ZNF512B: variants seen among roughly 807,000 people sequenced by gnomAD.
ZNF512B encodes the protein zinc finger protein 512B.
In ZNF512B, 22 loss-of-function variants were observed where a neutral mutation model predicts 87.8. That is an observed-to-expected ratio of 0.25 (90% CI 0.18 to 0.36). The LOEUF (loss-of-function observed/expected upper bound fraction) is 0.36. ZNF512B is among the 10% of genes least tolerant of loss of function. The pLI is 1.00. For missense variants in ZNF512B, 1,060 were observed against 1,231.6 expected (o/e 0.86, Z 2.09); for synonymous variants, 524 against 490.9 (o/e 1.07, Z -0.89).
At position 63,967,709 on chromosome 20, in the gene ZNF512B, C is replaced by G. The variant is rs188637689; in HGVS notation, c.121+121G>C. On this transcript the variant is annotated intron_variant, in intron 2 of 16. Coordinates refer to ENST00000369888, the MANE Select transcript of ZNF512B (RefSeq NM_020713.3). ...AAGGCAACCCCTACCCTGGTAAGGTCCTTGGGAACTCTAGGGGCCTAGCTG... is the reference window on the plus strand; with the variant it reads ...AAGGCAACCCCTACCCTGGTAAGGTGCTTGGGAACTCTAGGGGCCTAGCTG... 475 of 1,509,772 alleles carry G rather than the reference C, an allele frequency of 3.1e-4. 2 individuals are homozygous for G. The African/African-American group carries it at 6.0e-3, about 19-fold the overall frequency. 93.5% of individuals were successfully genotyped at this position (1,509,772 alleles called of 1,614,324 possible).
At chr20:63,968,304 G>A (rs1342455843) in intron 1 of ZNF512B, among the ~76,000 whole-genome samples, 1 of 152,218 alleles carries the variant, frequency 6.6e-6, no homozygotes, top group Admixed American at 6.5e-5. Flanking sequence ...GATGCCGAAG[G>A]TGATGCACTC....
chr20:63,961,497 C>T lies in ZNF512B; in HGVS notation c.2329-90G>A, dbSNP rs897115883. On this transcript the variant is annotated intron_variant, in intron 15 of 16. Coordinates refer to ENST00000369888, the MANE Select transcript of ZNF512B (RefSeq NM_020713.3). The surrounding 1 kb of genome is among the most constrained non-coding windows in gnomAD (Gnocchi z 6.4). Reference sequence around the variant, plus strand: ...CTCATGGCTAAAGGGTCAGAGTCAGCGGTGGCCCAAGGAAAGCTGTGGCTG... The same window carrying T: ...CTCATGGCTAAAGGGTCAGAGTCAGTGGTGGCCCAAGGAAAGCTGTGGCTG... 11 of 1,269,628 alleles carry T rather than the reference C, an allele frequency of 8.7e-6. No individual in the cohort carries two copies. The highest frequency in any genetic ancestry group is 2.3e-5 in the East Asian group (1 of 42,662). 78.6% of individuals were successfully genotyped at this position (1,269,628 alleles called of 1,614,324 possible).
In ZNF512B at chr20:63,962,256, C is replaced by T; in HGVS notation, c.2265+17G>A. On this transcript the variant is annotated intron_variant, in intron 14 of 16. Transcript: ENST00000369888. ...TGTATGGCTCCCCACGCCCCCCACCCGGCTGCCTCCGCTCACGTCGTTGGG... is the reference window on the plus strand; with the variant it reads ...TGTATGGCTCCCCACGCCCCCCACCTGGCTGCCTCCGCTCACGTCGTTGGG... 8 of 1,598,900 alleles carry T rather than the reference C, an allele frequency of 5.0e-6. No homozygotes were observed. Among genetic ancestry groups the T allele is most frequent in the Non-Finnish European group, 6.8e-6 (8 of 1,175,424 alleles).
chr20:63,969,271 T>A, intron 1 of ZNF512B: 1 of 803,544 alleles, frequency 1.2e-6, no homozygotes, highest in Non-Finnish European at 1.5e-6. Context: ...TAGTGGGGCC[T>A]GAGGCCAGGG....
rs767816608 is a variant in ZNF512B at position 63,964,237 on chromosome 20, G to A, written c.1334-20C>T. On this transcript the variant is annotated intron_variant, in intron 7 of 16. Coordinates refer to ENST00000369888, the MANE Select transcript of ZNF512B (RefSeq NM_020713.3). ...CCAGGCCTGTGTGCACACATGGGGT[G>A]GAGAGAAACAGGGATGGGCTCAGGG... is the stretch of plus-strand genomic sequence containing the variant. 1.9e-6 allele frequency: 3 copies of A among 1,608,322 alleles called. No homozygotes were observed. Among genetic ancestry groups the A allele is most frequent in the Middle Eastern group, 1.7e-4 (1 of 6,028 alleles).
rs1055586960 is a variant in ZNF512B, at chr20:63,963,887, C to A, written c.1507G>T (p.Ala503Ser). Residue 503 changes from alanine to serine, a missense_variant, in exon 9 of 17, where the codon GCC becomes TCC. Physicochemically the swap from Ala to Ser is moderately conservative, Grantham distance 99. Around this residue, in one of 9 missense-constraint regions of ZNF512B, gnomAD observed 212 missense variants for 207.6 expected, o/e 1.02. Coordinates refer to ENST00000369888, the MANE Select transcript of ZNF512B (RefSeq NM_020713.3). ...PGGPEEQWQR[A>S]IHERGEAVCP... is the part of the protein sequence containing the mutation. ...ACGGCTTCCCCGCGCTCATGGATGG[C>A]CCTCTGCCACTGCTCTTCAGGGCCA... 1.9e-6 allele frequency: 3 copies of A among 1,611,624 alleles called. No individual in the cohort carries two copies. The highest frequency in any genetic ancestry group is 2.5e-6 in the Non-Finnish European group (3 of 1,180,018).
intron 7 of ZNF512B, 41 bp downstream of exon 7, chr20:63,964,279 C>G (rs779544364): frequency 4.3e-6 from 7 of 1,612,742 alleles, no homozygotes; most frequent in Non-Finnish European, 5.9e-6. Flanking sequence ...ACTCGGTGGA[C>G]AGCCCCAGCC....
intron 1 of ZNF512B, among the ~76,000 whole-genome samples, chr20:63,968,844 C>G (rs1003351148): frequency 1.3e-5 from 2 of 152,254 alleles, no homozygotes; most frequent in African/African-American, 4.8e-5. Context: ...CCCCCGAGGG[C>G]CTGTGCTGCT....
chr20:63,969,031 G>T, intron 1 of ZNF512B: 1 of 816,834 alleles, frequency 1.2e-6, no homozygotes, highest in Non-Finnish European at 1.5e-6. Context: ...GCTGTGTCCA[G>T]GAGGGCCAGA....
Position 63,966,421 on chromosome 20 carries a change from T to C in ZNF512B, c.754A>G (p.Met252Val), listed in dbSNP as rs1281905006. Residue 252 changes from methionine to valine, a missense_variant, in exon 5 of 17, where the codon ATG (methionine) becomes GTG (valine). Around this residue, in one of 9 missense-constraint regions of ZNF512B, gnomAD observed 201 missense variants for 226.8 expected, o/e 0.89. Transcript: ENST00000369888. The stretch of plus-strand genomic sequence containing the variant: ...ACTGTGATGGGTTTGGTGACCGGCA[T>C]GGCCTTGGTGACGGGCATGGGCCTG... ...VSRPMPVTKA[M>V]PVTKPITVTK... is the part of the protein sequence containing the mutation. The C allele has an allele frequency of 1.2e-6, 2 of 1,613,808 alleles. No homozygotes were observed. The highest frequency in any genetic ancestry group is 2.2e-5 in the East Asian group (1 of 44,892).
intron 1 of ZNF512B, chr20:63,968,993 C>T: frequency 6.0e-6 from 3 of 500,978 alleles, no homozygotes; most frequent in Non-Finnish European, 7.7e-6. Flanking sequence ...TTCTAATTAA[C>T]TTGGATCCGA....
Position 63,962,532 on chromosome 20 carries a change from C to A in ZNF512B, c.2163+55G>T, listed in dbSNP as rs535676616. The stretch of plus-strand genomic sequence containing the variant: ...GGCTGTCCCAAGTCTCAGGCCAAGG[C>A]ATGCCCCACGCAGAGGCCACGGCGC... On this transcript the variant is annotated intron_variant, in intron 13 of 16. Coordinates refer to ENST00000369888, the MANE Select transcript of ZNF512B (RefSeq NM_020713.3). The A allele has an allele frequency of 4.0e-5, 62 of 1,568,426 alleles. No homozygotes were observed. The African/African-American group carries it at 7.7e-4, about 19-fold the overall frequency.
chr20:63,962,481 C>A, intron 13 of ZNF512B, 106 bp downstream of exon 13: 1 of 1,549,434 alleles, frequency 6.5e-7, no homozygotes, highest in Non-Finnish European at 8.7e-7. Flanking sequence ...ATGGCGGGGG[C>A]AGCGGGTGGC....
rs572392429 is a variant in ZNF512B at position 63,960,698 on chromosome 20, C to G, written c.2428-559G>C. On this transcript the variant is annotated intron_variant, in intron 16 of 16. Coordinates refer to ENST00000369888, the MANE Select transcript of ZNF512B (RefSeq NM_020713.3). ...GCAGCAGGGGGCTGGACACAGCCTT[C>G]GGGACCAGGCAAGCACCTGCAGGGG... Among the ~76,000 whole-genome samples, 7 of 128,776 alleles carry G rather than the reference C, an allele frequency of 5.4e-5. 1 individual carries two copies. In the South Asian group the frequency reaches 2.0e-3, roughly 36 times the overall value. The allele number at this position is 128,776 out of a possible 152,430, so 84.5% of individuals were successfully genotyped here.
chr20:63,967,073 C>T, intron 3 of ZNF512B, 69 bp from the exon 4 acceptor site: 1 of 1,600,504 alleles, frequency 6.2e-7, no homozygotes, highest in South Asian at 1.1e-5. Flanking sequence ...GAGCCCCAGA[C>T]TCAGAGCCCC....
rs369168842 is a variant in ZNF512B, at chr20:63,966,940, G to A, written c.329C>T (p.Ser110Leu). The change falls in exon 4 of 17, where the codon TCA becomes TTA. Residue 110 changes from serine (S) to leucine (L), a missense_variant. Ser to Leu is a moderately radical substitution (Grantham distance 145). This residue lies in a region of ZNF512B where 134 missense variants were observed against 153.6 expected (regional missense o/e 0.87). Coordinates refer to ENST00000369888, the MANE Select transcript of ZNF512B (RefSeq NM_020713.3). ...KAHSRVKCPN[S>L]GCWLEFPSIY... ...GCTGGGGAACTCCAGCCAGCACCCT[G>A]AGTTTGGACACTTCACCCTCGAGTG... 4.5e-5 allele frequency: 73 copies of A among 1,613,720 alleles called. No homozygotes were observed. The highest frequency in any genetic ancestry group is 1.6e-4 in the Middle Eastern group (1 of 6,084).
In ZNF512B at chr20:63,956,769, CCA is replaced by C; in HGVS notation, c.*3117_*3118del. The stretch of plus-strand genomic sequence containing the variant: ...TAATACATACAGTGATGGCCCGTCC[CCA>C]CGCCACTCGGGACCAGGGCGCGGGG... On this transcript the variant is annotated 3_prime_UTR_variant, in exon 17 of 17. Coordinates refer to ENST00000369888, the MANE Select transcript of ZNF512B (RefSeq NM_020713.3). 6.5e-6 allele frequency: 1 copy of C among 154,794 alleles called. No homozygotes were observed. The highest frequency in any genetic ancestry group is 2.0e-4 in the South Asian group (1 of 5,084). 9.6% of individuals were successfully genotyped at this position (154,794 alleles called of 1,614,324 possible). A position where few individuals can be genotyped will look rare whatever the true frequency, so the allele number is the denominator to read the frequency against.
intron 5 of ZNF512B, 74 bp downstream of exon 5, chr20:63,966,067 C>T (rs1327893431): frequency 1.6e-6 from 1 of 613,148 alleles, no homozygotes; most frequent in African/African-American, 6.8e-5. Flanking sequence ...ACCACTGTTC[C>T]TCCCTGACCT....
Position 63,961,985 on chromosome 20 carries a change from G to C in ZNF512B, c.2285C>G (p.Ser762Cys). Residue 762 changes from serine to cysteine, a missense_variant, in exon 15 of 17, where the codon TCC (serine) becomes TGC (cysteine). By Grantham distance (112) the Ser-to-Cys change is moderately radical (BLOSUM62 -1). This residue lies in a region of ZNF512B where 253 missense variants were observed against 259.2 expected (regional missense o/e 0.98). Transcript: ENST00000369888. The surrounding 1 kb of genome is among the most constrained non-coding windows in gnomAD (Gnocchi z 6.4). ...CPNDCCEAIY[S>C]SVSGLKAHLA... ...ATGAGCCTTGAGTCCGGACACGCTG[G>C]AGTAGATGGCTTCACAGCACTGCAG... 6.4e-7 allele frequency: 1 copy of C among 1,551,068 alleles called. No individual in the cohort carries two copies. The highest frequency in any genetic ancestry group is 8.7e-7 in the Non-Finnish European group (1 of 1,146,936).
Sources: allele counts gnomAD v4.1 joint callset (sites outside exome capture counted in the v4.1 genomes callset), GRCh38; gene constraint gnomAD v4.1.1; regional missense constraint gnomAD v4.1.1; non-coding constraint Gnocchi (gnomAD v3.1); transcripts MANE v1.5; gene names NCBI Gene and HGNC (gene_info 2026-07-23, HGNC 2026-07-21).